The following DPP6 variants were observed in gnomAD, a reference collection of about 807,000 sequenced individuals.
DPP6 encodes dipeptidyl peptidase like 6.
A neutral mutation model predicts 122.6 loss-of-function variants in DPP6; 69 were observed. The ratio of observed to expected loss-of-function variants is 0.56; its 90% confidence interval spans 0.46 to 0.69. The LOEUF is 0.69. Among genes scored for constraint, DPP6 ranks in the 30% least tolerant of loss-of-function variants. The pLI is 0.00. For missense variants in DPP6, 928 were observed against 1,116.9 expected, an observed-to-expected ratio of 0.83 and a Z score of 2.41; for synonymous variants, 418 against 433.1, an observed-to-expected ratio of 0.97 and a Z score of 0.43.
At chr7:154,315,153 T>C (rs2151006707) in intron 1 of DPP6, among the ~76,000 whole-genome samples, 1 of 152,318 alleles carries the variant, frequency 6.6e-6, no homozygotes, top group East Asian at 1.9e-4. Flanking sequence ...AAATAGTAAA[T>C]TATGCATGCT....
At chr7:154,137,112 T>C (rs1394940077) in intron 1 of DPP6, among the ~76,000 whole-genome samples, 1 of 152,210 alleles carries the variant, frequency 6.6e-6, no homozygotes, top group Non-Finnish European at 1.5e-5. Flanking sequence ...ATCCCAGAAA[T>C]TTTTTATTAG....
chr7:154,767,645 G>T lies in DPP6; in HGVS notation c.884-1772G>T, dbSNP rs1795990991. On this transcript the variant is annotated intron_variant, in intron 8 of 25. Coordinates refer to ENST00000377770, the MANE Select transcript of DPP6 (RefSeq NM_130797.4). Reference sequence around the variant, plus strand: ...CTGTGAGACAGACGCAGAGGGGAAGGGGATGCTAGAGGCGGCTGTTGTGCC... The same window carrying T: ...CTGTGAGACAGACGCAGAGGGGAAGTGGATGCTAGAGGCGGCTGTTGTGCC... Among the ~76,000 whole-genome samples, 3 of 152,208 alleles carry T rather than the reference G, an allele frequency of 2.0e-5. No homozygotes were observed. In the South Asian group the frequency reaches 6.2e-4, roughly 31 times the overall value.
At chr7:154,215,133 C>T (rs1406076043) in intron 1 of DPP6, among the ~76,000 whole-genome samples, 1 of 152,130 alleles carries the variant, frequency 6.6e-6, no homozygotes, top group Non-Finnish European at 1.5e-5. Context: ...TTCTACATGG[C>T]TGGGGAGGTC....
At chr7:154,556,016 T>C (rs1454688730) in intron 4 of DPP6, among the ~76,000 whole-genome samples, 1 of 152,236 alleles carries the variant, frequency 6.6e-6, no homozygotes, top group African/African-American at 2.4e-5. Context: ...ATGATCTTGA[T>C]TGTCATATAT....
intron 5 of DPP6, among the ~76,000 whole-genome samples, chr7:154,634,544 A>G (rs1835609998): frequency 6.6e-6 from 1 of 152,016 alleles, no homozygotes; most frequent in Non-Finnish European, 1.5e-5. Context: ...GTCCCCATGC[A>G]TACATTTTGG....
intron 7 of DPP6, among the ~76,000 whole-genome samples, chr7:154,685,214 G>A (rs150668728): frequency 1.1e-4 from 17 of 152,286 alleles, no homozygotes; most frequent in African/African-American, 3.1e-4. Flanking sequence ...CAATGTATTC[G>A]TAATTTCCCA....
chr7:154,219,655 T>G (rs1484459832), intron 1 of DPP6, among the ~76,000 whole-genome samples: 1 of 152,124 alleles, frequency 6.6e-6, no homozygotes, highest in Non-Finnish European at 1.5e-5. Flanking sequence ...GGCATGATCT[T>G]GGCTCCTGCA....
chr7:154,587,937 C>T (rs1392128878), intron 5 of DPP6: 1 of 1,612,920 alleles, frequency 6.2e-7, no homozygotes, highest in East Asian at 2.2e-5. Context: ...CCAATGGCAC[C>T]AGGCTTCGCA....
chr7:153,891,107 C>T (rs1482868799), intron 1 of DPP6, among the ~76,000 whole-genome samples: 8 of 149,292 alleles, frequency 5.4e-5, no homozygotes, highest in South Asian at 2.1e-4. Context: ...CTGCAAGCTC[C>T]GCCTCCCGGG....
rs550054337 is a variant in DPP6, at chr7:154,386,285, G to A, written c.244-59929G>A. 6.6e-5 allele frequency among the ~76,000 whole-genome samples: 10 copies of A among 152,158 alleles called. No homozygotes were observed. In the South Asian group the frequency reaches 1.7e-3, roughly 25 times the overall value. Reference sequence around the variant, plus strand: ...GACCAGGAGCACCATCTAGGCATCCGTTTGTGTTCCTCCTGCCCCCCACCC... The same window carrying A: ...GACCAGGAGCACCATCTAGGCATCCATTTGTGTTCCTCCTGCCCCCCACCC... On this transcript the variant is annotated intron_variant, in intron 1 of 25. Coordinates refer to ENST00000377770, the MANE Select transcript of DPP6 (RefSeq NM_130797.4).
chr7:154,000,596 C>G (rs575017240), intron 1 of DPP6, among the ~76,000 whole-genome samples: 31 of 152,290 alleles, frequency 2.0e-4, no homozygotes, highest in Admixed American at 1.9e-3. Flanking sequence ...GTTCCAGTCT[C>G]TACATCAGAA....
chr7:154,616,555 A>T (rs1396139123), intron 5 of DPP6, among the ~76,000 whole-genome samples: 2 of 152,328 alleles, frequency 1.3e-5, no homozygotes, highest in South Asian at 4.1e-4. Context: ...GACCATAGGC[A>T]TAGAGAAAAC....
chr7:154,128,480 C>T lies in DPP6; in HGVS notation c.243+75417C>T, dbSNP rs531831814. Among the ~76,000 whole-genome samples, 146 of 152,288 alleles carry T rather than the reference C, an allele frequency of 9.6e-4. 1 individual carries two copies. Among genetic ancestry groups the T allele is most frequent in the Non-Finnish European group, 1.8e-3 (125 of 68,028 alleles). Reference sequence around the variant, plus strand: ...GCAGTGGTACGATCTCAGCTCACTGCAAGCTCCGCCTCCTGGGTTCACGCC... The same window carrying T: ...GCAGTGGTACGATCTCAGCTCACTGTAAGCTCCGCCTCCTGGGTTCACGCC... On this transcript the variant is annotated intron_variant, in intron 1 of 25. Transcript: ENST00000377770.
the DPP6 span, among the ~76,000 whole-genome samples, chr7:153,864,319 C>A: frequency 6.6e-6 from 1 of 152,146 alleles, no homozygotes; most frequent in Non-Finnish European, 1.5e-5. Context: ...TGAGTTGATA[C>A]TCCCTTGTAG....
chr7:154,534,229 C>T lies in DPP6; in HGVS notation c.458-6303C>T, dbSNP rs549427050. 7.2e-5 allele frequency among the ~76,000 whole-genome samples: 11 copies of T among 152,018 alleles called. No individual in the cohort carries two copies. The East Asian group carries it at 1.9e-3, about 27-fold the overall frequency. Reference sequence around the variant, plus strand: ...TCAACATCCTAAGAATAGAAGGGAACTTCCTCACTTATTAAGGTCATTTAT... The same window carrying T: ...TCAACATCCTAAGAATAGAAGGGAATTTCCTCACTTATTAAGGTCATTTAT... On this transcript the variant is annotated intron_variant, in intron 3 of 25. Transcript: ENST00000377770.
intron 1 of DPP6, among the ~76,000 whole-genome samples, chr7:154,167,587 T>G (rs1797318330): frequency 6.6e-6 from 1 of 152,238 alleles, no homozygotes; most frequent in East Asian, 1.9e-4. Context: ...CTTACTTGGT[T>G]GGGATCCACT....
At chr7:154,239,338 G>A (rs940240003) in intron 1 of DPP6, among the ~76,000 whole-genome samples, 3 of 152,146 alleles carry the variant, frequency 2.0e-5, no homozygotes, top group Non-Finnish European at 4.4e-5. Flanking sequence ...TTTGAACGGA[G>A]CAGTTCCACT....
At chr7:154,616,545 G>A (rs1035341043) in intron 5 of DPP6, among the ~76,000 whole-genome samples, 7 of 152,300 alleles carry the variant, frequency 4.6e-5, no homozygotes, top group Admixed American at 3.3e-4. Flanking sequence ...GGCTATGGGA[G>A]ACCATAGGCA....
At chr7:154,666,104 A>C (rs1838132787) in intron 6 of DPP6, among the ~76,000 whole-genome samples, 1 of 151,136 alleles carries the variant, frequency 6.6e-6, no homozygotes, top group Non-Finnish European at 1.5e-5. Flanking sequence ...TTCACAAAAG[A>C]CTCGATTCAT....
Sources: allele counts gnomAD v4.1 joint callset (sites outside exome capture counted in the v4.1 genomes callset), GRCh38; gene constraint gnomAD v4.1.1; transcripts MANE v1.5; gene names NCBI Gene and HGNC (gene_info 2026-07-23, HGNC 2026-07-21).